Variants in EGFLAM observed in about 807,000 individuals in gnomAD.
EGFLAM encodes pikachurin.
A neutral mutation model predicts 113.1 loss-of-function variants in EGFLAM; 79 were observed. That is an observed-to-expected ratio of 0.70 (90% confidence interval 0.58 to 0.84). EGFLAM has a LOEUF of 0.84. Among genes scored for constraint, EGFLAM ranks in the 40% least tolerant of loss-of-function variants. The probability of loss-of-function intolerance (pLI) is 0.00; values close to 1 mark genes in which losing one functional copy is unlikely to be tolerated. For synonymous variants in EGFLAM, 504 were observed against 487.6 expected (o/e 1.03, Z -0.44); for missense variants, 1,265 against 1,291.6 (o/e 0.98, Z 0.32).
chr5:38,267,745 C>T (rs1423522626), intron 1 of EGFLAM, among the ~76,000 whole-genome samples: 1 of 152,120 alleles, frequency 6.6e-6, no homozygotes, highest in Non-Finnish European at 1.5e-5. Flanking sequence ...GGAACTTCAC[C>T]TCTGTCTTAG....
intron 1 of EGFLAM, among the ~76,000 whole-genome samples, chr5:38,269,512 C>T (rs1386867677): frequency 5.8e-5 from 8 of 138,500 alleles, no homozygotes; most frequent in South Asian, 2.2e-4. Flanking sequence ...TTTTTTTAGA[C>T]GGAGTCTTGC....
chr5:38,407,003 G>A lies in EGFLAM; in HGVS notation c.1004G>A (p.Gly335Asp), dbSNP rs1156801875. ...CCCATACAGAGAAAGGGGAAGAATGGTGTGGCCATAATGTCAAGGCTCTTT... is the reference window on the plus strand; with the variant it reads ...CCCATACAGAGAAAGGGGAAGAATGATGTGGCCATAATGTCAAGGCTCTTT... ...PIPIQRKGKN[G>D]VAIMSRLFDM... Residue 335 changes from glycine (G) to aspartate (D), a missense_variant, in exon 8 of 22, where the codon GGT becomes GAT. By Grantham distance (94) the Gly-to-Asp change is moderately conservative. Coordinates refer to ENST00000322350, the MANE Select transcript of EGFLAM (RefSeq NM_152403.4). 2 of 1,614,216 alleles carry A rather than the reference G, an allele frequency of 1.2e-6. No homozygotes were observed. The highest frequency in any genetic ancestry group is 2.2e-5 in the East Asian group (1 of 44,874).
Position 38,263,297 on chromosome 5 carries a change from A to G in EGFLAM, c.97+4446A>G, listed in dbSNP as rs145141615. Among the ~76,000 whole-genome samples the G allele has an allele frequency of 3.9e-3, 601 of 152,220 alleles. 13 individuals carry two copies. The highest frequency in any genetic ancestry group is 0.039 in the South Asian group (188 of 4,816). On this transcript the variant is annotated intron_variant, in intron 1 of 21. Transcript: ENST00000322350. ...GCCAACATGGCAAAACCCCAGCTCT[A>G]CAAAAAATACAAAAATTAGCCGGGC...
Position 38,356,397 on chromosome 5 carries a change from C to T in EGFLAM, c.545+4066C>T, listed in dbSNP as rs560467149. On this transcript the variant is annotated intron_variant, in intron 5 of 21. Coordinates refer to ENST00000322350, the MANE Select transcript of EGFLAM (RefSeq NM_152403.4). ...ATACTCCTCATAAAGTATCTATACA[C>T]GTAGACACTCAGCGTGTATCTGTTT... 9.8e-5 allele frequency among the ~76,000 whole-genome samples: 15 copies of T among 152,324 alleles called. No homozygotes were observed. The South Asian group carries it at 2.5e-3, about 25-fold the overall frequency.
chr5:38,449,305 A>G (rs565883425), intron 18 of EGFLAM, among the ~76,000 whole-genome samples: 1 of 152,258 alleles, frequency 6.6e-6, no homozygotes, highest in South Asian at 2.1e-4. Flanking sequence ...GTTGGGAGGA[A>G]TTCTCCTAGG....
chr5:38,322,976 C>CT (rs1455347726), intron 1 of EGFLAM, among the ~76,000 whole-genome samples: 2 of 152,130 alleles, frequency 1.3e-5, no homozygotes, highest in East Asian at 3.9e-4. Flanking sequence ...CCAGTGGCCA[C>CT]TTTTTTTTGG....
chr5:38,422,800 T>A (rs570847031), intron 12 of EGFLAM, among the ~76,000 whole-genome samples: 1 of 152,178 alleles, frequency 6.6e-6, no homozygotes, highest in East Asian at 1.9e-4. Context: ...ACTAGAAGTA[T>A]CTTGCCTGTA....
chr5:38,269,488 TTTTC>T (rs1425041032), intron 1 of EGFLAM, among the ~76,000 whole-genome samples: 2 of 135,872 alleles, frequency 1.5e-5, no homozygotes, highest in Non-Finnish European at 3.1e-5. Context: ...ACCACTTTTC[TTTTC>T]TTTTTTTTTT....
In EGFLAM at chr5:38,352,707, G is replaced by A. The variant is rs1008622849; in HGVS notation, c.545+376G>A. Among the ~76,000 whole-genome samples the A allele has an allele frequency of 4.0e-5, 6 of 150,764 alleles. No individual in the cohort carries two copies. The South Asian group carries it at 1.3e-3, about 32-fold the overall frequency. On this transcript the variant is annotated intron_variant, in intron 5 of 21. Transcript: ENST00000322350. ...AATTCCAAGCCTGACGTAAGACAAT[G>A]AGGAGAGTCACCTCCAGGTCTCTAC...
chr5:38,451,667 A>T, intron 19 of EGFLAM: 1 of 627,880 alleles, frequency 1.6e-6, no homozygotes, highest in Non-Finnish European at 2.6e-6. Context: ...CTGCAGGCCA[A>T]ATCTGACCCA....
At chr5:38,387,881 G>T (rs1740706625) in intron 6 of EGFLAM, among the ~76,000 whole-genome samples, 1 of 152,218 alleles carries the variant, frequency 6.6e-6, no homozygotes, top group East Asian at 1.9e-4. Context: ...TTATGGGTCA[G>T]TGAAGACTCA....
rs1002611409 is a variant in EGFLAM at position 38,315,869 on chromosome 5, A to G, written c.98-21651A>G. ...GGCAGGTGGACCACCTGAGGTCAGGAGTTCGAGACCAGCCTGTCCAACATG... is the reference window on the plus strand; with the variant it reads ...GGCAGGTGGACCACCTGAGGTCAGGGGTTCGAGACCAGCCTGTCCAACATG... On this transcript the variant is annotated intron_variant, in intron 1 of 21. Transcript: ENST00000322350. Among the ~76,000 whole-genome samples the G allele has an allele frequency of 2.0e-5, 3 of 152,240 alleles. No individual in the cohort carries two copies. In the East Asian group the frequency reaches 5.8e-4, roughly 29 times the overall value.
chr5:38,336,400 C>T (rs1215548242), intron 1 of EGFLAM, among the ~76,000 whole-genome samples: 1 of 152,126 alleles, frequency 6.6e-6, no homozygotes, highest in Admixed American at 6.5e-5. Flanking sequence ...AGTGAAACCC[C>T]GTCTCTACTA....
At chr5:38,295,859 T>G (rs1471347747) in intron 1 of EGFLAM, among the ~76,000 whole-genome samples, 1 of 152,214 alleles carries the variant, frequency 6.6e-6, no homozygotes, top group Non-Finnish European at 1.5e-5. Flanking sequence ...AAGGCAAATA[T>G]CACAGTGTAA....
At chr5:38,442,021 C>T (rs1336382839) in intron 17 of EGFLAM, among the ~76,000 whole-genome samples, 1 of 152,186 alleles carries the variant, frequency 6.6e-6, no homozygotes, top group African/African-American at 2.4e-5. Flanking sequence ...GTAACCAGTG[C>T]TGCCTGATTA....
intron 1 of EGFLAM, among the ~76,000 whole-genome samples, chr5:38,269,541 G>C (rs1757716277): frequency 6.7e-6 from 1 of 149,634 alleles, no homozygotes. Flanking sequence ...CCAGGCTGGA[G>C]TGCAGTGGCG....
intron 17 of EGFLAM, among the ~76,000 whole-genome samples, chr5:38,443,924 C>T (rs575952523): frequency 1.3e-5 from 2 of 152,066 alleles, no homozygotes; most frequent in Non-Finnish European, 2.9e-5. Flanking sequence ...GCATGCCCTA[C>T]CATGCCTGGC....
chr5:38,266,201 T>C (rs772333255), intron 1 of EGFLAM, among the ~76,000 whole-genome samples: 9 of 152,216 alleles, frequency 5.9e-5, no homozygotes, highest in Non-Finnish European at 8.8e-5. Flanking sequence ...CCTTCAAGGC[T>C]GGTTTCTCCT....
At chr5:38,339,864 CG>C (rs1172518734) in intron 3 of EGFLAM, among the ~76,000 whole-genome samples, 1 of 152,134 alleles carries the variant, frequency 6.6e-6, no homozygotes, top group Non-Finnish European at 1.5e-5. Context: ...ACTTTTGCTT[CG>C]GCACCCAGCA....
Sources: allele counts gnomAD v4.1 joint callset (sites outside exome capture counted in the v4.1 genomes callset), GRCh38; gene constraint gnomAD v4.1.1; transcripts MANE v1.5; gene names NCBI Gene and HGNC (gene_info 2026-07-23, HGNC 2026-07-21).